The following GALNT18 variants were observed in gnomAD, a reference collection of about 807,000 sequenced individuals.
GALNT18 encodes polypeptide N-acetylgalactosaminyltransferase 18.
A neutral mutation model predicts 69.5 loss-of-function variants in GALNT18; 44 were observed. The ratio of observed to expected loss-of-function variants is 0.63; its 90% CI spans 0.50 to 0.81. The LOEUF (loss-of-function observed/expected upper bound fraction) is 0.81, where lower values mean the gene tolerates loss of function less well. GALNT18 is among the 40% of genes least tolerant of loss of function. The pLI is 0.00. For synonymous variants in GALNT18, 364 were observed against 318.2 expected (o/e 1.14, Z -1.53); for missense variants, 715 against 810.0 (o/e 0.88, Z 1.42).
At chr11:11,303,484 C>T (rs1208770105) in intron 9 of GALNT18, among the ~76,000 whole-genome samples, 1 of 152,128 alleles carries the variant, frequency 6.6e-6, no homozygotes, top group Non-Finnish European at 1.5e-5. Flanking sequence ...AGAAACCTGA[C>T]TCAAGACAAT....
intron 10 of GALNT18, among the ~76,000 whole-genome samples, chr11:11,285,245 C>A (rs1849171532): frequency 6.6e-6 from 1 of 152,034 alleles, no homozygotes; most frequent in Non-Finnish European, 1.5e-5. Context: ...AAAGCATGGA[C>A]CCCAGAGGCA....
intron 1 of GALNT18, among the ~76,000 whole-genome samples, chr11:11,513,645 A>G (rs964103634): frequency 1.3e-5 from 2 of 152,196 alleles, no homozygotes; most frequent in African/African-American, 4.8e-5. Context: ...AAGTAATCCA[A>G]TCTGTTTTGT....
In GALNT18 at chr11:11,592,968, T is replaced by G. The variant is rs560827231; in HGVS notation, c.235+28391A>C. On this transcript the variant is annotated intron_variant, in intron 1 of 10. Transcript: ENST00000227756. This position sits in a 1 kb window ranked among gnomAD's most constrained non-coding sequence, Gnocchi z 5.9. ...TTTGTCTCTGTCTCCCAGGCTGGAG[T>G]GCAGTGGCGCAATCTCAGCTCACTG... Among the ~76,000 whole-genome samples, 2 of 152,240 alleles carry G rather than the reference T, an allele frequency of 1.3e-5. No homozygotes were observed. The highest frequency in any genetic ancestry group is 4.1e-4 in the South Asian group (2 of 4,828).
intron 3 of GALNT18, among the ~76,000 whole-genome samples, chr11:11,406,806 A>T (rs1361863482): frequency 6.6e-6 from 1 of 152,248 alleles, no homozygotes; most frequent in Admixed American, 6.5e-5. Context: ...TATCAAAGTC[A>T]AATATAGTCC....
chr11:11,571,317 A>C (rs1404955921), intron 1 of GALNT18, among the ~76,000 whole-genome samples: 2 of 152,248 alleles, frequency 1.3e-5, no homozygotes, highest in Non-Finnish European at 2.9e-5. Context: ...TTGGAGAATC[A>C]ACCCCTGACT....
chr11:11,561,179 C>G lies in GALNT18; in HGVS notation c.235+60180G>C, dbSNP rs190377904. On this transcript the variant is annotated intron_variant, in intron 1 of 10. Transcript: ENST00000227756. The stretch of plus-strand genomic sequence containing the variant: ...CAGCAGCAGCAGAAACTGCGAGGCG[C>G]CTTTTTCAGGGAGCTGAGAAGGGAG... 2.4e-3 allele frequency among the ~76,000 whole-genome samples: 359 copies of G among 152,234 alleles called. 4 individuals carry two copies. The highest frequency in any genetic ancestry group is 8.3e-3 in the African/African-American group (346 of 41,546).
rs1331181199 is a variant in GALNT18 at position 11,341,449 on chromosome 11, G to A, written c.1093-445C>T. On this transcript the variant is annotated intron_variant, in intron 6 of 10. Transcript: ENST00000227756. This position sits in a 1 kb window ranked among gnomAD's most constrained non-coding sequence, Gnocchi z 6.3. ...CTCTTCAAATGGACCACATGGGCCT[G>A]GACAAGAATTAGTGATCACCACAGA... is the stretch of plus-strand genomic sequence containing the variant. Among the ~76,000 whole-genome samples the A allele has an allele frequency of 6.6e-6, 1 of 152,058 alleles. No homozygotes were observed. Among genetic ancestry groups the A allele is most frequent in the Non-Finnish European group, 1.5e-5 (1 of 68,022 alleles).
At chr11:11,406,639 T>C (rs898579362) in intron 3 of GALNT18, among the ~76,000 whole-genome samples, 5 of 152,272 alleles carry the variant, frequency 3.3e-5, no homozygotes, top group Admixed American at 6.5e-5. Flanking sequence ...ACCCAGAGGG[T>C]TAAAATGCCA....
At position 11,620,404 on chromosome 11, in the gene GALNT18, C is replaced by T. The variant is rs961923986; in HGVS notation, c.235+955G>A. On this transcript the variant is annotated intron_variant, in intron 1 of 10. Transcript: ENST00000227756. This position sits in a 1 kb window ranked among gnomAD's most constrained non-coding sequence, Gnocchi z 6.9. ...GGAACTCCATTCCCTCCCATGACAGCTCATTGACCAGGTCGCCTCGGGAGA... is the reference window on the plus strand; with the variant it reads ...GGAACTCCATTCCCTCCCATGACAGTTCATTGACCAGGTCGCCTCGGGAGA... Among the ~76,000 whole-genome samples, 2 of 152,132 alleles carry T rather than the reference C, an allele frequency of 1.3e-5. No individual in the cohort carries two copies. The highest frequency in any genetic ancestry group is 2.4e-5 in the African/African-American group (1 of 41,448).
chr11:11,283,180 A>G (rs955281437), intron 10 of GALNT18, among the ~76,000 whole-genome samples: 1 of 152,084 alleles, frequency 6.6e-6, no homozygotes, highest in South Asian at 2.1e-4. Flanking sequence ...CTTGAGATGG[A>G]GTCTCACTCT....
chr11:11,443,565 A>C (rs1289560746), intron 2 of GALNT18, among the ~76,000 whole-genome samples: 1 of 151,040 alleles, frequency 6.6e-6, no homozygotes, highest in East Asian at 2.0e-4. Flanking sequence ...GAGAGGCAGG[A>C]GGAAGCACAC....
rs1030245483 is a variant in GALNT18 at position 11,404,081 on chromosome 11, G to A, written c.596-24817C>T. 2.6e-5 allele frequency among the ~76,000 whole-genome samples: 4 copies of A among 152,224 alleles called. No individual in the cohort carries two copies. Among genetic ancestry groups the A allele is most frequent in the Non-Finnish European group, 4.4e-5 (3 of 68,034 alleles). ...CAGAGATACCAGGCAAATGATGAGCGAATGCCCCGCCACTTGCTGGCAGCA... is the reference window on the plus strand; with the variant it reads ...CAGAGATACCAGGCAAATGATGAGCAAATGCCCCGCCACTTGCTGGCAGCA... On this transcript the variant is annotated intron_variant, in intron 3 of 10. Transcript: ENST00000227756. This position sits in a 1 kb window ranked among gnomAD's most constrained non-coding sequence, Gnocchi z 4.5.
chr11:11,499,255 T>C (rs1216750753), intron 1 of GALNT18, among the ~76,000 whole-genome samples: 2 of 152,242 alleles, frequency 1.3e-5, no homozygotes, highest in South Asian at 2.1e-4. Flanking sequence ...CCACCAAATG[T>C]AGTCAGTATT....
intron 1 of GALNT18, among the ~76,000 whole-genome samples, chr11:11,518,402 T>A (rs944854377): frequency 2.6e-5 from 4 of 152,256 alleles, no homozygotes; most frequent in Non-Finnish European, 5.9e-5. Flanking sequence ...TAAGCACTTG[T>A]GCATTCTAAT....
chr11:11,496,344 T>C lies in GALNT18; in HGVS notation c.236-47408A>G, dbSNP rs1442478613. ...ATCAGCAACACTCCACATGCTGCCA[T>C]ACTGCAAACTGGGTCCAATTACAGG... On this transcript the variant is annotated intron_variant, in intron 1 of 10. Coordinates refer to ENST00000227756, the MANE Select transcript of GALNT18 (RefSeq NM_198516.3). This position sits in a 1 kb window ranked among gnomAD's most constrained non-coding sequence, Gnocchi z 4.0. Among the ~76,000 whole-genome samples the C allele has an allele frequency of 6.6e-6, 1 of 152,150 alleles. No individual in the cohort carries two copies. Among genetic ancestry groups the C allele is most frequent in the Non-Finnish European group, 1.5e-5 (1 of 68,004 alleles).
At chr11:11,512,471 T>G (rs1252263429) in intron 1 of GALNT18, among the ~76,000 whole-genome samples, 2 of 152,198 alleles carry the variant, frequency 1.3e-5, no homozygotes, top group African/African-American at 4.8e-5. Context: ...TTCTTTATTC[T>G]GAGTGCGGCA....
chr11:11,533,082 C>A (rs1329114743), intron 1 of GALNT18, among the ~76,000 whole-genome samples: 1 of 152,110 alleles, frequency 6.6e-6, no homozygotes, highest in Admixed American at 6.6e-5. Flanking sequence ...CCCTGCCCAC[C>A]CCCATCCATG....
At chr11:11,615,527 A>G (rs894445570) in intron 1 of GALNT18, among the ~76,000 whole-genome samples, 3 of 152,184 alleles carry the variant, frequency 2.0e-5, no homozygotes, top group African/African-American at 4.8e-5. Context: ...ATGTTACAAG[A>G]ACACCACCCA....
At chr11:11,403,086 AG>A (rs984649409) in intron 3 of GALNT18, among the ~76,000 whole-genome samples, 4 of 152,210 alleles carry the variant, frequency 2.6e-5, no homozygotes, top group Non-Finnish European at 5.9e-5. Context: ...GGAACAAATC[AG>A]GGGTCTGTAC....
Sources: gnomAD v4.1 joint callset for allele counts (sites outside exome capture counted in the v4.1 genomes callset) on GRCh38, gnomAD v4.1.1 for gene constraint, Gnocchi (gnomAD v3.1) non-coding constraint, MANE v1.5 for transcripts, NCBI Gene and HGNC (gene_info 2026-07-23, HGNC 2026-07-21) for gene names.